Variants in ZSWIM2 observed in about 807,000 individuals in gnomAD.
ZSWIM2 encodes the protein zinc finger SWIM-type containing 2, also known as E3 ubiquitin-protein ligase ZSWIM2.
A neutral mutation model predicts 48.4 loss-of-function variants in ZSWIM2; 38 were observed. That is an observed-to-expected ratio of 0.79 (90% CI 0.61 to 1.03). The LOEUF is 1.03. Ranked by LOEUF, ZSWIM2 falls within the 50% of genes least tolerant of loss-of-function variation. The pLI, the probability that ZSWIM2 is intolerant of heterozygous loss-of-function variation, is 0.00. For synonymous variants in ZSWIM2, 240 were observed against 251.3 expected (o/e 0.96, Z 0.42); for missense variants, 776 against 730.2 (o/e 1.06, Z -0.72).
At chr2:186,834,082 G>C in intron 5 of ZSWIM2, 52 bp from the exon 6 acceptor site, 1 of 1,433,186 alleles carries the variant, frequency 7.0e-7, no homozygotes, top group Non-Finnish European at 9.7e-7. Flanking sequence ...CAATTATTGT[G>C]ATGGTTTTGG....
At chr2:186,828,999 A>G (rs1234201227) in intron 8 of ZSWIM2, among the ~76,000 whole-genome samples, 1 of 152,136 alleles carries the variant, frequency 6.6e-6, no homozygotes, top group Non-Finnish European at 1.5e-5. Flanking sequence ...CGATATTAAA[A>G]TGCAAAGACT....
At chr2:186,832,147 T>C (rs11898665) in intron 7 of ZSWIM2, among the ~76,000 whole-genome samples, 27,615 of 151,544 alleles carry the variant, frequency 0.18, 3,822 homozygotes, top group African/African-American at 0.4. Context: ...TGGAGTCTCA[T>C]TCTGTTGCCT....
chr2:186,833,152 T>C lies in ZSWIM2; in HGVS notation c.909A>G (p.Glu303=). The C allele has an allele frequency of 1.3e-6, 2 of 1,510,558 alleles. No individual in the cohort carries two copies. The highest frequency in any genetic ancestry group is 1.8e-6 in the Non-Finnish European group (2 of 1,128,286). 93.6% of individuals were successfully genotyped at this position (1,510,558 alleles called of 1,614,324 possible). Residue 303 remains glutamate, a synonymous_variant, in exon 7 of 9, where the codon GAA becomes GAG. Coordinates refer to ENST00000295131, the MANE Select transcript of ZSWIM2 (RefSeq NM_182521.3). ...TTTCTTGAAAATGTGACATCTTTTC[T>C]TCAATCTCATTTTTAGTATCTATGT... ...VKYIDTKNEI[E]EKMSHFQEKQ...
intron 2 of ZSWIM2, among the ~76,000 whole-genome samples, chr2:186,846,255 G>T (rs1692000877): frequency 6.6e-6 from 1 of 151,846 alleles, no homozygotes; most frequent in African/African-American, 2.4e-5. Context: ...CTAACATCCT[G>T]AATCTATAAG....
chr2:186,845,715 T>G (rs1211821956), intron 2 of ZSWIM2, among the ~76,000 whole-genome samples: 1 of 151,536 alleles, frequency 6.6e-6, no homozygotes, highest in African/African-American at 2.4e-5. Flanking sequence ...AATGAGTTGA[T>G]TTGTATTTAA....
Position 186,839,053 on chromosome 2 carries a change from C to A in ZSWIM2, c.400G>T (p.Gly134Trp). The change falls in exon 4 of 9, where the codon GGG becomes TGG. Residue 134 changes from glycine to tryptophan, a missense_variant. Transcript: ENST00000295131. Reference protein sequence around the residue: ...NDENEHVEEDGYIKQKEIDSE... With the variant: ...NDENEHVEEDWYIKQKEIDSE... ...TCAATTTCCTTCTGTTTAATGTACCCATCTTCTTCAACATGTTCATTTTCG... is the reference window on the plus strand; with the variant it reads ...TCAATTTCCTTCTGTTTAATGTACCAATCTTCTTCAACATGTTCATTTTCG... 5.0e-6 allele frequency: 8 copies of A among 1,611,634 alleles called. No individual in the cohort carries two copies. The highest frequency in any genetic ancestry group is 6.8e-6 in the Non-Finnish European group (8 of 1,178,318).
At position 186,828,530 on chromosome 2, in the gene ZSWIM2, C is replaced by T; in HGVS notation, c.1356G>A (p.Leu452=). The change falls in exon 9 of 9, where the codon TTG becomes TTA. Residue 452 remains leucine (L), a synonymous_variant. Transcript: ENST00000295131. ...PSIPQCNFDE[L]NTPQSPKDAY... The stretch of plus-strand genomic sequence containing the variant: ...CATCTTTTGGGCTTTGAGGTGTATT[C>T]AATTCATCAAAATTACACTGAGGTA... The T allele has an allele frequency of 6.2e-7, 1 of 1,613,330 alleles. No individual in the cohort carries two copies. Among genetic ancestry groups the T allele is most frequent in the Non-Finnish European group, 8.5e-7 (1 of 1,179,610 alleles).
chr2:186,828,014 T>C lies in ZSWIM2; in HGVS notation c.1872A>G (p.Leu624=). The part of the protein sequence containing the change: ...SHSVNTKSTE[L]SLIIEGVQL ...ATTGAACTCCTTCTATTATTAAAGA[T>C]AGCTCAGTACTTTTTGTATTTACAG... The change falls in exon 9 of 9, where the codon CTA becomes CTG. Residue 624 remains leucine (L), a synonymous_variant. Transcript: ENST00000295131. 2.5e-6 allele frequency: 4 copies of C among 1,599,750 alleles called. No homozygotes were observed. Among genetic ancestry groups the C allele is most frequent in the Non-Finnish European group, 3.4e-6 (4 of 1,174,976 alleles).
chr2:186,834,074 A>G (rs1691750923), intron 5 of ZSWIM2, 44 bp from the exon 6 acceptor site: 1 of 1,471,700 alleles, frequency 6.8e-7, no homozygotes, highest in Non-Finnish European at 9.4e-7. Flanking sequence ...AAAAAATCCA[A>G]TTATTGTGAT....
At position 186,849,089 on chromosome 2, in the gene ZSWIM2, G is replaced by C. The variant is rs767889089; in HGVS notation, c.42C>G (p.His14Gln). ...GGTGCCAGCTGAGCCTCTCGCTCAA[G>C]TGTCTTCGCCTTTCAGAGGCCTTAT... Reference protein sequence around the residue: ...RGYKASERRRHLSERLSWHQD... With the variant: ...RGYKASERRRQLSERLSWHQD... Residue 14 changes from histidine to glutamine, a missense_variant, in exon 1 of 9, where the codon CAC (histidine) becomes CAG (glutamine). By Grantham distance (24) the His-to-Gln change is conservative. Coordinates refer to ENST00000295131, the MANE Select transcript of ZSWIM2 (RefSeq NM_182521.3). The C allele has an allele frequency of 3.1e-6, 5 of 1,613,948 alleles. No individual in the cohort carries two copies. The African/African-American group carries it at 4.0e-5, about 13-fold the overall frequency.
rs202241619 is a variant in ZSWIM2, at chr2:186,828,229, G to T, written c.1657C>A (p.His553Asn). Residue 553 changes from histidine to asparagine, a missense_variant, in exon 9 of 9, where the codon CAC (histidine) becomes AAC (asparagine). By Grantham distance (68) the His-to-Asn change is moderately conservative. Transcript: ENST00000295131. Reference sequence around the variant, plus strand: ...GTGGCAGGAGTCTTCTTTAGGTTGTGGTTATTACATTTACAGCCTTTGGTC... The same window carrying T: ...GTGGCAGGAGTCTTCTTTAGGTTGTTGTTATTACATTTACAGCCTTTGGTC... ...RMTKGCKCNN[H>N]NLKKTPATKI... 1.0e-4 allele frequency: 166 copies of T among 1,613,318 alleles called. 1 individual carries two copies. Among genetic ancestry groups the T allele is most frequent in the Non-Finnish European group, 9.9e-5 (117 of 1,179,748 alleles).
chr2:186,847,852 A>C (rs963988553), intron 1 of ZSWIM2, 57 bp from the exon 2 acceptor site: 9 of 1,272,816 alleles, frequency 7.1e-6, no homozygotes, highest in Admixed American at 1.9e-5. Flanking sequence ...GTTAGAGCAA[A>C]ACTGAGTTAA....
chr2:186,846,570 C>T (rs534875275), intron 2 of ZSWIM2, among the ~76,000 whole-genome samples: 11 of 151,698 alleles, frequency 7.3e-5, no homozygotes, highest in East Asian at 1.9e-4. Flanking sequence ...AAAAACAGTA[C>T]GGCGATTTCT....
Position 186,832,882 on chromosome 2 carries a change from A to G in ZSWIM2, c.941+238T>C, listed in dbSNP as rs569249876. ...TAAAGATGAGGAAAATGTGGCAGAT[A>G]GAAGTGAAGTAACTAGTCCACAAGC... On this transcript the variant is annotated intron_variant, in intron 7 of 8. Coordinates refer to ENST00000295131, the MANE Select transcript of ZSWIM2 (RefSeq NM_182521.3). Among the ~76,000 whole-genome samples, 10 of 152,308 alleles carry G rather than the reference A, an allele frequency of 6.6e-5. No homozygotes were observed. In the South Asian group the frequency reaches 1.9e-3, roughly 28 times the overall value.
chr2:186,839,864 C>A (rs1241771913), intron 3 of ZSWIM2, among the ~76,000 whole-genome samples: 2 of 151,580 alleles, frequency 1.3e-5, no homozygotes, highest in Admixed American at 1.3e-4. Flanking sequence ...ATCCTAGATT[C>A]TTCATTCCTT....
At position 186,847,733 on chromosome 2, in the gene ZSWIM2, A is replaced by T; in HGVS notation, c.228T>A (p.Cys76Ter). The T allele has an allele frequency of 3.1e-6, 5 of 1,604,920 alleles. No individual in the cohort carries two copies. The highest frequency in any genetic ancestry group is 4.3e-6 in the Non-Finnish European group (5 of 1,175,100). The change falls in exon 2 of 9, where the codon TGT (cysteine) becomes TGA (stop). Residue 76 changes from cysteine to a stop codon, truncating the protein, a stop_gained. Transcript: ENST00000295131. LOFTEE classifies it high-confidence loss of function. Reference sequence around the variant, plus strand: ...AAGTCACTTACCAGCAGATATGCTTACAAAGTTCCCCTCCTTTCGGAAATG... The same window carrying T: ...AAGTCACTTACCAGCAGATATGCTTTCAAAGTTCCCCTCCTTTCGGAAATG... ...CSTFPKGGEL[C>*]KHICWVLLKK...
At chr2:186,832,122 AT>A (rs59277588) in intron 7 of ZSWIM2, among the ~76,000 whole-genome samples, 27,238 of 147,790 alleles carry the variant, frequency 0.18, 3,702 homozygotes, top group African/African-American at 0.4. Flanking sequence ...TTTCTTTTCT[AT>A]TTTTTTTTTG....
chr2:186,828,042 TGA>T lies in ZSWIM2; in HGVS notation c.1842_1843del (p.His615LeufsTer8). ...CTCAGTACTTTTTGTATTTACAGAG[TGA>T]GACACAGGCTGTCTTGATAGATGAC... On this transcript the variant is annotated frameshift_variant, in exon 9 of 9. Coordinates refer to ENST00000295131, the MANE Select transcript of ZSWIM2 (RefSeq NM_182521.3). LOFTEE classifies it high-confidence loss of function. The T allele has an allele frequency of 6.2e-7, 1 of 1,612,786 alleles. No individual in the cohort carries two copies. Among genetic ancestry groups the T allele is most frequent in the Non-Finnish European group, 8.5e-7 (1 of 1,179,446 alleles).
rs748448903 is a variant in ZSWIM2, at chr2:186,848,987, C to A, written c.144G>T (p.Glu48Asp). The A allele has an allele frequency of 1.2e-6, 2 of 1,614,092 alleles. No individual in the cohort carries two copies. Among genetic ancestry groups the A allele is most frequent in the Non-Finnish European group, 1.7e-6 (2 of 1,180,008 alleles). Reference sequence around the variant, plus strand: ...TTACTCGGAAATCCATGTATTCCGGCTCCTCCTCCCTCAGCAGGAAGCCAG... The same window carrying A: ...TTACTCGGAAATCCATGTATTCCGGATCCTCCTCCCTCAGCAGGAAGCCAG... ...GPTGFLLREEEPEYMDFRVFL... is the reference protein window; with the variant it reads ...GPTGFLLREEDPEYMDFRVFL... The change falls in exon 1 of 9, where the codon GAG becomes GAT. Residue 48 changes from glutamate (E) to aspartate (D), a missense_variant. Transcript: ENST00000295131.
Sources: gnomAD v4.1 joint callset for allele counts (sites outside exome capture counted in the v4.1 genomes callset) on GRCh38, gnomAD v4.1.1 for gene constraint, MANE v1.5 for transcripts, NCBI Gene and HGNC (gene_info 2026-07-23, HGNC 2026-07-21) for gene names.